The following TARBP1 variants were observed in gnomAD, a reference collection of about 807,000 sequenced individuals.
The protein encoded by TARBP1 is tRNA guanosine 2 -O-methyltransferase TARBP1.
In TARBP1, 144 loss-of-function variants were observed where a neutral mutation model predicts 178.6. The observed-to-expected ratio is 0.81, with a 90% CI of 0.70 to 0.93. The LOEUF (loss-of-function observed/expected upper bound fraction) is 0.93, where lower values mean the gene tolerates loss of function less well. Among genes scored for constraint, TARBP1 ranks in the 40% least tolerant of loss-of-function variants. The pLI, the probability that TARBP1 is intolerant of heterozygous loss-of-function variation, is 0.00. For synonymous variants in TARBP1, 787 were observed against 781.0 expected, an observed-to-expected ratio of 1.01 and a Z score of -0.13; for missense variants, 2,067 against 2,011.7, an observed-to-expected ratio of 1.03 and a Z score of -0.53.
intron 27 of TARBP1, 56 bp from the exon 28 acceptor site, chr1:234,393,542 C>G: frequency 6.4e-7 from 1 of 1,570,714 alleles, no homozygotes; most frequent in Non-Finnish European, 8.6e-7. Context: ...CTAAGCTCAT[C>G]ATGTCGCATA....
At chr1:234,401,953 GTCTC>G (rs1660713147) in intron 24 of TARBP1, among the ~76,000 whole-genome samples, 1 of 152,100 alleles carries the variant, frequency 6.6e-6, no homozygotes, top group Admixed American at 6.5e-5. Context: ...ACTGTCAAGA[GTCTC>G]TCTTCAAAGG....
intron 12 of TARBP1, among the ~76,000 whole-genome samples, chr1:234,440,171 A>C (rs569468493): frequency 6.6e-6 from 1 of 152,320 alleles, no homozygotes; most frequent in African/African-American, 2.4e-5. Context: ...TGAAAATGCA[A>C]CATGCCAAAA....
chr1:234,457,564 C>G (rs1397023913), intron 9 of TARBP1, 103 bp downstream of exon 9: 62 of 721,882 alleles, frequency 8.6e-5, no homozygotes, highest in Non-Finnish European at 1.2e-4. Context: ...TGACAGATAA[C>G]AAAGCAATCA....
intron 9 of TARBP1, 152 bp from the exon 10 acceptor site, chr1:234,450,718 CCA>C (rs1219032624): frequency 5.9e-6 from 5 of 846,360 alleles, no homozygotes; most frequent in African/African-American, 5.3e-5. Flanking sequence ...TACTTGAGTT[CCA>C]CAGACAGTAA....
At chr1:234,437,566 G>C (rs61822462) in intron 12 of TARBP1, among the ~76,000 whole-genome samples, 194 bp from the exon 13 acceptor site, 4 of 152,202 alleles carry the variant, frequency 2.6e-5, no homozygotes, top group Admixed American at 6.5e-5. Context: ...AGTTCCAGTT[G>C]TGGGTAGGAT....
Position 234,459,297 on chromosome 1 carries a change from T to C in TARBP1, c.1565A>G (p.His522Arg), listed in dbSNP as rs764982116. The C allele has an allele frequency of 1.5e-5, 25 of 1,613,202 alleles. No homozygotes were observed. The highest frequency in any genetic ancestry group is 2.7e-5 in the African/African-American group (2 of 74,912). The change falls in exon 8 of 30, where the codon CAT becomes CGT. Residue 522 changes from histidine to arginine, a missense_variant. His to Arg is a conservative substitution (Grantham distance 29). Coordinates refer to ENST00000040877, the MANE Select transcript of TARBP1 (RefSeq NM_005646.4). ...GGCTGCCCCTCTCAGGAGAATCTGA[T>C]GTGTGATCATAGTGCAATGAATAAC... ...RDVIHCTMIT[H>R]QILLRGAAQC...
chr1:234,450,402 A>G (rs188935043), intron 10 of TARBP1, 26 bp downstream of exon 10: 1 of 1,543,436 alleles, frequency 6.5e-7, no homozygotes, highest in African/African-American at 1.4e-5. Context: ...GGTTATATCA[A>G]TCCATAAAAA....
At chr1:234,469,295 TATAA>T (rs1200872790) in intron 3 of TARBP1, among the ~76,000 whole-genome samples, 3 of 152,066 alleles carry the variant, frequency 2.0e-5, no homozygotes, top group Non-Finnish European at 4.4e-5. Context: ...CATGACATTC[TATAA>T]ATAAATTAAT....
intron 24 of TARBP1, among the ~76,000 whole-genome samples, chr1:234,404,074 A>G (rs1182995616): frequency 1.3e-5 from 2 of 152,250 alleles, no homozygotes; most frequent in African/African-American, 4.8e-5. Context: ...TTATTGCTTA[A>G]TAAAAAATAT....
Position 234,471,212 on chromosome 1 carries a change from C to CA in TARBP1, c.1074dup (p.Glu359Ter), listed in dbSNP as rs1452379133. ...CCATTTTCCTCTGACACCGCATATT[C>CA]AAACAGATTGTTTAGCTTTGGTAAA... On this transcript the variant is annotated frameshift_variant, in exon 3 of 30. Coordinates refer to ENST00000040877, the MANE Select transcript of TARBP1 (RefSeq NM_005646.4). LOFTEE classifies it high-confidence loss of function. The CA allele has an allele frequency of 2.5e-6, 4 of 1,601,106 alleles. No individual in the cohort carries two copies. In the African/African-American group the frequency reaches 5.4e-5, roughly 22 times the overall value.
chr1:234,462,457 G>A (rs948366481), intron 6 of TARBP1, among the ~76,000 whole-genome samples: 3 of 152,132 alleles, frequency 2.0e-5, no homozygotes, highest in Non-Finnish European at 2.9e-5. Flanking sequence ...TTGGGAGGCC[G>A]AGGTGGGCAG....
chr1:234,462,171 T>C (rs1667921718), intron 6 of TARBP1, among the ~76,000 whole-genome samples: 1 of 152,238 alleles, frequency 6.6e-6, no homozygotes, highest in Non-Finnish European at 1.5e-5. Flanking sequence ...AAGATGGCAA[T>C]GGCCAAGTTT....
chr1:234,393,786 T>A lies in TARBP1; in HGVS notation c.4295A>T (p.Lys1432Met). ...DNQAEWTDVQ[K>M]KIIPWNSRVS... is the part of the protein sequence containing the mutation. Reference sequence around the variant, plus strand: ...ACGACTGTTCCACGGGATAATCTTCTTCTGAACGTCGGTCCACTCCGCTTG... The same window carrying A: ...ACGACTGTTCCACGGGATAATCTTCATCTGAACGTCGGTCCACTCCGCTTG... The change falls in exon 27 of 30, where the codon AAG becomes ATG. Residue 1432 changes from lysine (K) to methionine (M), a missense_variant. By Grantham distance (95) the Lys-to-Met change is moderately conservative (BLOSUM62 -1). Coordinates refer to ENST00000040877, the MANE Select transcript of TARBP1 (RefSeq NM_005646.4). The A allele has an allele frequency of 1.2e-6, 2 of 1,613,964 alleles. No individual in the cohort carries two copies. Among genetic ancestry groups the A allele is most frequent in the Non-Finnish European group, 1.7e-6 (2 of 1,179,964 alleles).
intron 20 of TARBP1, among the ~76,000 whole-genome samples, chr1:234,421,398 TA>T (rs1663075292): frequency 6.6e-6 from 1 of 152,160 alleles, no homozygotes; most frequent in East Asian, 1.9e-4. Context: ...TAAGTGTTTT[TA>T]AAATTAGAAG....
intron 9 of TARBP1, among the ~76,000 whole-genome samples, chr1:234,452,435 G>A (rs915412558): frequency 1.3e-5 from 2 of 152,164 alleles, no homozygotes; most frequent in African/African-American, 4.8e-5. Flanking sequence ...CCTCACCAAA[G>A]AAGACATACA....
chr1:234,477,920 A>G (rs1326989090), intron 1 of TARBP1, among the ~76,000 whole-genome samples: 1 of 152,130 alleles, frequency 6.6e-6, no homozygotes, highest in African/African-American at 2.4e-5. Flanking sequence ...TATCTTCCTA[A>G]ACTATTCCAG....
chr1:234,450,226 G>A (rs868330514), intron 10 of TARBP1, among the ~76,000 whole-genome samples: 1 of 151,848 alleles, frequency 6.6e-6, no homozygotes, highest in Non-Finnish European at 1.5e-5. Flanking sequence ...AGAATCTCAA[G>A]TCTCAGAACA....
Position 234,393,779 on chromosome 1 carries a change from A to C in TARBP1, c.4302T>G (p.Ile1434Met). 5.0e-6 allele frequency: 8 copies of C among 1,613,954 alleles called. No homozygotes were observed. The South Asian group carries it at 6.6e-5, about 13-fold the overall frequency. ...CGGAAACACGACTGTTCCACGGGAT[A>C]ATCTTCTTCTGAACGTCGGTCCACT... is the stretch of plus-strand genomic sequence containing the variant. ...QAEWTDVQKK[I>M]IPWNSRVSDL... Residue 1434 changes from isoleucine (I) to methionine (M), a missense_variant, in exon 27 of 30, where the codon ATT becomes ATG. Coordinates refer to ENST00000040877, the MANE Select transcript of TARBP1 (RefSeq NM_005646.4).
rs1659635395 is a variant in TARBP1 at position 234,393,667 on chromosome 1, C to T, written c.4414G>A (p.Asp1472Asn). ...SRLIVVASLI[D>N]KPTNLGGLCR... Reference sequence around the variant, plus strand: ...TTACCTCCTAAATTGGTCGGTTTGTCGATGAGCGAGGCCACAACGATGAGT... The same window carrying T: ...TTACCTCCTAAATTGGTCGGTTTGTTGATGAGCGAGGCCACAACGATGAGT... The change falls in exon 27 of 30, where the codon GAC becomes AAC. Residue 1472 changes from aspartate (D) to asparagine (N), a missense_variant. Coordinates refer to ENST00000040877, the MANE Select transcript of TARBP1 (RefSeq NM_005646.4). 1.2e-6 allele frequency: 2 copies of T among 1,612,060 alleles called. No individual in the cohort carries two copies. The highest frequency in any genetic ancestry group is 1.7e-6 in the Non-Finnish European group (2 of 1,178,556).
Sources: allele counts gnomAD v4.1 joint callset (sites outside exome capture counted in the v4.1 genomes callset), GRCh38; gene constraint gnomAD v4.1.1; transcripts MANE v1.5; gene names NCBI Gene and HGNC (gene_info 2026-07-23, HGNC 2026-07-21).